The following OXNAD1 variants were observed in gnomAD, a reference collection of about 807,000 sequenced individuals.
OXNAD1 encodes oxidoreductase NAD-binding domain-containing protein 1.
A neutral mutation model predicts 32.9 loss-of-function variants in OXNAD1; 34 were observed. The ratio of observed to expected loss-of-function variants is 1.03; its 90% confidence interval spans 0.79 to 1.38. The LOEUF (loss-of-function observed/expected upper bound fraction) is 1.38. Ranked by LOEUF, OXNAD1 falls within the 40% of genes most tolerant of loss-of-function variation. The pLI, the probability that OXNAD1 is intolerant of heterozygous loss-of-function variation, is 0.00. For synonymous variants in OXNAD1, 134 were observed against 135.2 expected, an observed-to-expected ratio of 0.99 and a Z score of 0.06; for missense variants, 407 against 379.4, an observed-to-expected ratio of 1.07 and a Z score of -0.60.
rs2071860429 is a variant in OXNAD1, at chr3:16,348,150, A to T, written c.*31-1026A>T. 6.6e-6 allele frequency: 1 copy of T among 152,138 alleles called. No homozygotes were observed. Among genetic ancestry groups the T allele is most frequent in the South Asian group, 2.1e-4 (1 of 4,832 alleles). 9.4% of individuals were successfully genotyped at this position (152,138 alleles called of 1,614,324 possible). A position where few individuals can be genotyped will look rare whatever the true frequency, so the allele number is the denominator to read the frequency against. On this transcript the variant is annotated intron_variant, in intron 9 of 9. Coordinates refer to the OXNAD1 transcript ENST00000606098. The surrounding 1 kb of genome is among the most constrained non-coding windows in gnomAD (Gnocchi z 6.3). ...AGCACTTGTGGCTCTTGTTGCTTAA[A>T]GCAGGGCAGGCTCCTGGAGCTCAGG...
chr3:16,311,865 G>C (rs1447718426), intron 9 of OXNAD1, among the ~76,000 whole-genome samples: 1 of 152,168 alleles, frequency 6.6e-6, no homozygotes, highest in Non-Finnish European at 1.5e-5. Context: ...CCTTACCATG[G>C]TTCACGAGGC....
chr3:16,316,858 G>C lies in OXNAD1; in HGVS notation c.*30+13266G>C. The stretch of plus-strand genomic sequence containing the variant: ...TTTCTTCAACCGTACCAAGCTCTCT[G>C]ACTTCCTCAGCATCCCCGTCCCTGG... On this transcript the variant is annotated intron_variant, in intron 9 of 9. Transcript: ENST00000435829. The surrounding 1 kb of genome is among the most constrained non-coding windows in gnomAD (Gnocchi z 4.5). 1 of 1,614,120 alleles carries C rather than the reference G, an allele frequency of 6.2e-7. No individual in the cohort carries two copies. Among genetic ancestry groups the C allele is most frequent in the Non-Finnish European group, 8.5e-7 (1 of 1,180,028 alleles).
chr3:16,269,303 A>G (rs1164502655), intron 2 of OXNAD1, 28 bp downstream of exon 2: 5 of 1,530,718 alleles, frequency 3.3e-6, no homozygotes, highest in Non-Finnish European at 4.4e-6. Flanking sequence ...TCTTTCAGGG[A>G]TTAAGGTAAC....
chr3:16,273,385 T>TTG lies in OXNAD1; in HGVS notation c.183+1664_183+1665insGT, dbSNP rs2065093140. Among the ~76,000 whole-genome samples, 3 of 16,506 alleles carry TTG rather than the reference T, an allele frequency of 1.8e-4. No homozygotes were observed. The African/African-American group carries it at 2.2e-3, about 12-fold the overall frequency. The allele number at this position is 16,506 out of a possible 152,430, so 10.8% of individuals were successfully genotyped here. A position where few individuals can be genotyped will look rare whatever the true frequency, so the allele number is the denominator to read the frequency against. ...ATAGATAGTTAATAGTATTTTCTTG[T>TTG]TTTTTTTTTTTTTTTTTGAGACAGA... On this transcript the variant is annotated intron_variant, in intron 4 of 8. Coordinates refer to ENST00000285083, the MANE Select transcript of OXNAD1 (RefSeq NM_138381.5).
intron 1 of OXNAD1, among the ~76,000 whole-genome samples, chr3:16,267,599 C>G (rs1052791609): frequency 6.6e-6 from 1 of 152,200 alleles, no homozygotes; most frequent in Non-Finnish European, 1.5e-5. Context: ...CCTCATCATT[C>G]AGATCTCAGC....
rs961930322 is a variant in OXNAD1 at position 16,342,423 on chromosome 3, A to G, written c.*31-6753A>G. On this transcript the variant is annotated intron_variant, in intron 9 of 9. Coordinates refer to the OXNAD1 transcript ENST00000606098. The surrounding 1 kb of genome is among the most constrained non-coding windows in gnomAD (Gnocchi z 4.0). ...CCATCATATGGATATACCATAGTTTATTCATCATTTGATGAACATTTAAGT... is the reference window on the plus strand; with the variant it reads ...CCATCATATGGATATACCATAGTTTGTTCATCATTTGATGAACATTTAAGT... 6.6e-6 allele frequency among the ~76,000 whole-genome samples: 1 copy of G among 152,218 alleles called. No individual in the cohort carries two copies. Among genetic ancestry groups the G allele is most frequent in the African/African-American group, 2.4e-5 (1 of 41,458 alleles).
rs189230908 is a variant in OXNAD1, at chr3:16,276,988, G to A, written c.183+5266G>A. ...GCACAGGCTAAAAGCGCAATGGTGC[G>A]ATCTTGGCTCACTGCAACCTCTGCC... On this transcript the variant is annotated intron_variant, in intron 4 of 8. Transcript: ENST00000285083. 1.6e-3 allele frequency among the ~76,000 whole-genome samples: 241 copies of A among 149,784 alleles called. 1 individual carries two copies. Among genetic ancestry groups the A allele is most frequent in the South Asian group, 5.5e-3 (26 of 4,748 alleles).
intron 9 of OXNAD1, among the ~76,000 whole-genome samples, chr3:16,319,683 A>G (rs1306605002): frequency 2.0e-5 from 3 of 152,228 alleles, no homozygotes; most frequent in Non-Finnish European, 4.4e-5. Context: ...AGAAGATCAC[A>G]TCTTGTTGAT....
rs2067208483 is a variant in OXNAD1, at chr3:16,301,831, T to G, written c.638T>G (p.Phe213Cys). The change falls in exon 7 of 9, where the codon TTC becomes TGC. Residue 213 changes from phenylalanine to cysteine, a missense_variant. Physicochemically the swap from Phe to Cys is radical, Grantham distance 205. Coordinates refer to ENST00000285083, the MANE Select transcript of OXNAD1 (RefSeq NM_138381.5). The surrounding 1 kb of genome is among the most constrained non-coding windows in gnomAD (Gnocchi z 4.1). Reference sequence around the variant, plus strand: ...TATGAGATAGGAACAATAAAACTATTCTACAGTGCAAAAAATACCAGCGAA... The same window carrying G: ...TATGAGATAGGAACAATAAAACTATGCTACAGTGCAAAAAATACCAGCGAA... ...NGYEIGTIKL[F>C]YSAKNTSELL... 1.2e-6 allele frequency: 2 copies of G among 1,614,054 alleles called. No homozygotes were observed. Among genetic ancestry groups the G allele is most frequent in the Non-Finnish European group, 1.7e-6 (2 of 1,179,934 alleles).
intron 9 of OXNAD1, among the ~76,000 whole-genome samples, chr3:16,311,609 T>A (rs980128650): frequency 7.9e-5 from 12 of 152,286 alleles, no homozygotes; most frequent in Middle Eastern, 3.4e-3. Flanking sequence ...GTAGCTTCAA[T>A]ACCTCCCTCA....
At chr3:16,311,338 G>A (rs928910761) in intron 9 of OXNAD1, among the ~76,000 whole-genome samples, 1 of 152,100 alleles carries the variant, frequency 6.6e-6, no homozygotes, top group Non-Finnish European at 1.5e-5. Flanking sequence ...GGGGATTACA[G>A]GCACATGCCA....
At position 16,345,099 on chromosome 3, in the gene OXNAD1, C is replaced by T. The variant is rs2071554104; in HGVS notation, c.*31-4077C>T. 6.6e-6 allele frequency: 1 copy of T among 152,266 alleles called. No homozygotes were observed. Among genetic ancestry groups the T allele is most frequent in the African/African-American group, 2.4e-5 (1 of 41,438 alleles). 9.4% of individuals were successfully genotyped at this position (152,266 alleles called of 1,614,324 possible). On this transcript the variant is annotated intron_variant, in intron 9 of 9. Coordinates refer to the OXNAD1 transcript ENST00000606098. This position sits in a 1 kb window ranked among gnomAD's most constrained non-coding sequence, Gnocchi z 5.2. ...AGACCTGCAACCACAAGGCCAACAA[C>T]CTAAGTGAGCTTGGAAGTGGATTCT...
rs986509164 is a variant in OXNAD1, at chr3:16,299,957, A to T, written c.433-1669A>T. Among the ~76,000 whole-genome samples, 1 of 152,208 alleles carries T rather than the reference A, an allele frequency of 6.6e-6. No individual in the cohort carries two copies. The highest frequency in any genetic ancestry group is 2.4e-5 in the African/African-American group (1 of 41,454). ...AGTTCCACCCACTGTGAGTCAGTTCATGTTCACACCAACCCTGTGAGGTGG... is the reference window on the plus strand; with the variant it reads ...AGTTCCACCCACTGTGAGTCAGTTCTTGTTCACACCAACCCTGTGAGGTGG... On this transcript the variant is annotated intron_variant, in intron 6 of 8. Coordinates refer to ENST00000285083, the MANE Select transcript of OXNAD1 (RefSeq NM_138381.5). This position sits in a 1 kb window ranked among gnomAD's most constrained non-coding sequence, Gnocchi z 4.4.
chr3:16,296,468 AAGTG>A (rs1267189774), intron 6 of OXNAD1, among the ~76,000 whole-genome samples: 1 of 152,234 alleles, frequency 6.6e-6, no homozygotes, highest in Non-Finnish European at 1.5e-5. Context: ...GATATGGACA[AAGTG>A]ATTTTAAAAT....
downstream of OXNAD1, among the ~76,000 whole-genome samples, chr3:16,310,257 G>A (rs1173141065): frequency 2.0e-5 from 3 of 152,116 alleles, no homozygotes; most frequent in Admixed American, 6.5e-5. Context: ...CTAGAAACTG[G>A]TAAGTTTGCT....
intron 4 of OXNAD1, among the ~76,000 whole-genome samples, chr3:16,283,585 T>G (rs1342471650): frequency 6.6e-6 from 1 of 152,208 alleles, no homozygotes; most frequent in African/African-American, 2.4e-5. Flanking sequence ...CATTGGCTGC[T>G]GTTACTTATG....
intron 9 of OXNAD1, chr3:16,323,436 C>T: frequency 6.2e-7 from 1 of 1,612,564 alleles, no homozygotes; most frequent in South Asian, 1.1e-5. Flanking sequence ...AGACAATCTG[C>T]TTGGTGGATA....
downstream of OXNAD1, among the ~76,000 whole-genome samples, chr3:16,309,277 G>A (rs922802303): frequency 4.6e-5 from 7 of 151,994 alleles, no homozygotes; most frequent in African/African-American, 1.7e-4. Context: ...TAATTTTTCT[G>A]CACATACTCC....
chr3:16,272,087 G>A, intron 4 of OXNAD1: 1 of 440,210 alleles, frequency 2.3e-6, no homozygotes. Context: ...TTTTGTGTGG[G>A]GTCTTTTTTT....
Sources: allele counts gnomAD v4.1 joint callset (sites outside exome capture counted in the v4.1 genomes callset), GRCh38; gene constraint gnomAD v4.1.1; non-coding constraint Gnocchi (gnomAD v3.1); transcripts MANE v1.5; gene names NCBI Gene and HGNC (gene_info 2026-07-23, HGNC 2026-07-21).